Variants in VPS13C observed in about 807,000 individuals in gnomAD.
VPS13C encodes intermembrane lipid transfer protein VPS13C.
A neutral mutation model predicts 456.8 loss-of-function variants in VPS13C; 358 were observed. The ratio of observed to expected loss-of-function variants is 0.78; its 90% CI spans 0.72 to 0.86. The LOEUF (loss-of-function observed/expected upper bound fraction) is 0.86, where lower values mean the gene tolerates loss of function less well. Among genes scored for constraint, VPS13C ranks in the 40% least tolerant of loss-of-function variants. VPS13C has a pLI of 0.00. For missense variants in VPS13C, 4,818 were observed against 4,385.4 expected (o/e 1.10, Z -2.79); for synonymous variants, 1,578 against 1,486.7 (o/e 1.06, Z -1.41).
At chr15:62,042,899 A>G (rs1273408200) in intron 2 of VPS13C, among the ~76,000 whole-genome samples, 1 of 151,346 alleles carries the variant, frequency 6.6e-6, no homozygotes, top group African/African-American at 2.4e-5. Flanking sequence ...CATGTACCCT[A>G]GAACTTAAAG....
intron 15 of VPS13C, among the ~76,000 whole-genome samples, chr15:62,004,502 T>A (rs1474583470): frequency 6.8e-6 from 1 of 147,802 alleles, no homozygotes; most frequent in Admixed American, 6.8e-5. Flanking sequence ...TTGAAGGATT[T>A]TTTGTGTCTC....
intron 13 of VPS13C, 128 bp from the exon 14 acceptor site, chr15:62,008,889 T>C (rs986597694): frequency 6.9e-6 from 3 of 437,776 alleles, no homozygotes; most frequent in African/African-American, 4.1e-5. Flanking sequence ...AGTCCAATAA[T>C]ATACTGTATT....
intron 6 of VPS13C, among the ~76,000 whole-genome samples, chr15:62,027,548 T>C (rs1247853682): frequency 1.3e-5 from 2 of 152,094 alleles, no homozygotes; most frequent in African/African-American, 4.8e-5. Flanking sequence ...AATCAACCTA[T>C]TAAAGTTCCT....
chr15:62,030,182 A>C (rs1238382288), intron 5 of VPS13C, among the ~76,000 whole-genome samples: 1 of 152,200 alleles, frequency 6.6e-6, no homozygotes, highest in Non-Finnish European at 1.5e-5. Flanking sequence ...AAAAAGAATT[A>C]AAGATAAATT....
In VPS13C at chr15:61,919,389, T is replaced by C. The variant is rs1418309876; in HGVS notation, c.7538A>G (p.Tyr2513Cys). ...ACTGGCATTGGGATTCCGTACATTATACAATCGCCGTCCAGGTCTGGCCAC... is the reference window on the plus strand; with the variant it reads ...ACTGGCATTGGGATTCCGTACATTACACAATCGCCGTCCAGGTCTGGCCAC... ...IPVARPGRRL[Y>C]NVRNPNASHS... The change falls in exon 58 of 85, where the codon TAT becomes TGT. Residue 2513 changes from tyrosine (Y) to cysteine (C), a missense_variant. Transcript: ENST00000644861. 8 of 1,603,408 alleles carry C rather than the reference T, an allele frequency of 5.0e-6. No individual in the cohort carries two copies. The East Asian group carries it at 9.1e-5, about 18-fold the overall frequency.
intron 25 of VPS13C, among the ~76,000 whole-genome samples, chr15:61,973,838 C>T (rs917549587): frequency 5.3e-5 from 8 of 152,106 alleles, no homozygotes; most frequent in African/African-American, 1.9e-4. Context: ...TATTAAAGTA[C>T]ATCTTTTTTA....
At chr15:61,949,335 G>A in intron 42 of VPS13C, 108 bp downstream of exon 42, 4 of 1,292,250 alleles carry the variant, frequency 3.1e-6, no homozygotes, top group Non-Finnish European at 4.3e-6. Flanking sequence ...TAACCTATCA[G>A]AGCAGCAATG....
At chr15:61,926,342 G>T (rs1678565657) in intron 52 of VPS13C, among the ~76,000 whole-genome samples, 2 of 152,216 alleles carry the variant, frequency 1.3e-5, no homozygotes, top group African/African-American at 4.8e-5. Flanking sequence ...TGAGGCTGTA[G>T]TGAGCTAAGA....
chr15:61,955,495 C>A (rs1456019517), intron 37 of VPS13C, among the ~76,000 whole-genome samples: 1 of 152,124 alleles, frequency 6.6e-6, no homozygotes, highest in Non-Finnish European at 1.5e-5. Context: ...GTAAGCTACA[C>A]CAGAATTCCA....
At chr15:62,045,226 C>T (rs2048362380) in intron 1 of VPS13C, among the ~76,000 whole-genome samples, 1 of 152,102 alleles carries the variant, frequency 6.6e-6, no homozygotes, top group South Asian at 2.1e-4. Flanking sequence ...TTAAGGCACT[C>T]ACGGCTTAGC....
intron 53 of VPS13C, 67 bp downstream of exon 53, chr15:61,925,389 A>G: frequency 1.1e-6 from 1 of 906,750 alleles, no homozygotes; most frequent in Non-Finnish European, 1.6e-6. Flanking sequence ...TACTGTCTCA[A>G]CTGCAAATAT....
Position 61,927,138 on chromosome 15 carries a change from G to A in VPS13C, c.6469C>T (p.Leu2157Phe), listed in dbSNP as rs75341202. ...MEASVRDLKV[L>F]ACPFLREKRG... The stretch of plus-strand genomic sequence containing the variant: ...TTTTCTCTGAGAAAAGGGCAAGCGA[G>A]CACTTTCAGATCTCTCACAGAAGCT... Residue 2157 changes from leucine to phenylalanine, a missense_variant, in exon 52 of 85, where the codon CTC (leucine) becomes TTC (phenylalanine). This residue lies in a region of VPS13C where 4,552 missense variants were observed against 4,130.6 expected (regional missense o/e 1.10). Transcript: ENST00000644861. The A allele has an allele frequency of 0.011, 18,459 of 1,614,178 alleles. 146 individuals carry two copies. The highest frequency in any genetic ancestry group is 0.014 in the Non-Finnish European group (16,215 of 1,180,014).
chr15:62,049,871 A>G (rs1033238204), intron 1 of VPS13C, among the ~76,000 whole-genome samples: 2 of 152,074 alleles, frequency 1.3e-5, no homozygotes, highest in African/African-American at 4.8e-5. Context: ...GCAATTATGA[A>G]TGGGAGTTCA....
At chr15:61,938,314 C>T (rs985257598) in intron 47 of VPS13C, among the ~76,000 whole-genome samples, 2 of 152,172 alleles carry the variant, frequency 1.3e-5, no homozygotes, top group Non-Finnish European at 2.9e-5. Flanking sequence ...AAGGCAGCCC[C>T]ACAGTTCTTT....
chr15:62,009,410 A>C (rs1296797397), intron 13 of VPS13C, among the ~76,000 whole-genome samples: 1 of 151,500 alleles, frequency 6.6e-6, no homozygotes. Flanking sequence ...CTAATTTTTC[A>C]CGGAATGCAG....
intron 18 of VPS13C, among the ~76,000 whole-genome samples, chr15:61,986,901 A>T (rs976896686): frequency 1.1e-4 from 17 of 152,162 alleles, no homozygotes; most frequent in African/African-American, 4.1e-4. Context: ...TCAAGAAATA[A>T]GGAAAAATAG....
intron 66 of VPS13C, among the ~76,000 whole-genome samples, chr15:61,893,759 T>C (rs903419404): frequency 3.9e-5 from 6 of 152,032 alleles, no homozygotes; most frequent in Admixed American, 2.0e-4. Context: ...CTTAAAAGTG[T>C]AGCATTTTTT....
At chr15:61,980,694 A>G (rs2045856942) in intron 22 of VPS13C, among the ~76,000 whole-genome samples, 1 of 152,188 alleles carries the variant, frequency 6.6e-6, no homozygotes, top group African/African-American at 2.4e-5. Context: ...AATGTAGAAA[A>G]GACTACAATG....
At chr15:62,023,696 C>G (rs2047539153) in intron 7 of VPS13C, 84 bp downstream of exon 7, 1 of 1,347,238 alleles carries the variant, frequency 7.4e-7, no homozygotes, top group Non-Finnish European at 1.0e-6. Flanking sequence ...ATACTGTTAT[C>G]TGACATTCAT....
Sources: allele counts gnomAD v4.1 joint callset (sites outside exome capture counted in the v4.1 genomes callset), GRCh38; gene constraint gnomAD v4.1.1; regional missense constraint gnomAD v4.1.1; transcripts MANE v1.5; gene names NCBI Gene and HGNC (gene_info 2026-07-23, HGNC 2026-07-21).